Variants in TTC1 observed in about 807,000 individuals in gnomAD.
TTC1 encodes the protein tetratricopeptide repeat protein 1.
A neutral mutation model predicts 37.6 loss-of-function variants in TTC1; 31 were observed. The ratio of observed to expected loss-of-function variants is 0.82; its 90% CI spans 0.62 to 1.11. The LOEUF is 1.11. Ranked by LOEUF, TTC1 falls within the 50% of genes most tolerant of loss-of-function variation. The probability of loss-of-function intolerance (pLI) is 0.00; values close to 1 mark genes in which losing one functional copy is unlikely to be tolerated. For synonymous variants in TTC1, 127 were observed against 122.4 expected (o/e 1.04, Z -0.25); for missense variants, 351 against 339.0 (o/e 1.04, Z -0.28).
chr5:160,028,272 A>G (rs1239149749), intron 2 of TTC1, among the ~76,000 whole-genome samples: 1 of 149,618 alleles, frequency 6.7e-6, no homozygotes, highest in Non-Finnish European at 1.5e-5. Flanking sequence ...GCACTCCAGC[A>G]TAGGCGACAG....
chr5:160,032,126 ATGAT>A (rs1756921433), intron 2 of TTC1, among the ~76,000 whole-genome samples: 1 of 152,214 alleles, frequency 6.6e-6, no homozygotes, highest in South Asian at 2.1e-4. Flanking sequence ...TTCCCAAAGA[ATGAT>A]TGGTCTCCTA....
intron 1 of TTC1, among the ~76,000 whole-genome samples, chr5:160,010,276 A>AT (rs1413391904): frequency 6.6e-6 from 1 of 151,590 alleles, no homozygotes; most frequent in Non-Finnish European, 1.5e-5. Context: ...AAAAAAAAAA[A>AT]AAAGAATCTG....
chr5:160,064,370 C>T (rs917077902), intron 7 of TTC1, among the ~76,000 whole-genome samples: 5 of 152,160 alleles, frequency 3.3e-5, no homozygotes, highest in African/African-American at 1.2e-4. Context: ...CAAGATGATC[C>T]CATTTCTAAG....
At chr5:160,016,213 A>G (rs1363935742) in intron 2 of TTC1, among the ~76,000 whole-genome samples, 2 of 152,160 alleles carry the variant, frequency 1.3e-5, no homozygotes, top group Non-Finnish European at 2.9e-5. Context: ...CCCCATCTCT[A>G]CTAAAAATAC....
chr5:160,029,592 G>T (rs1019435572), intron 2 of TTC1, among the ~76,000 whole-genome samples: 1 of 152,042 alleles, frequency 6.6e-6, no homozygotes, highest in Non-Finnish European at 1.5e-5. Context: ...AGGCTGCAGT[G>T]AGCCATGATC....
intron 2 of TTC1, among the ~76,000 whole-genome samples, chr5:160,011,801 T>C (rs1233866393): frequency 1.3e-5 from 2 of 152,264 alleles, no homozygotes; most frequent in East Asian, 3.9e-4. Context: ...GAACTTGAAC[T>C]AGATTGTAGT....
chr5:160,036,680 C>A lies in TTC1; in HGVS notation c.392-11C>A. The A allele has an allele frequency of 1.3e-6, 2 of 1,578,370 alleles. No homozygotes were observed. The highest frequency in any genetic ancestry group is 1.1e-5 in the South Asian group (1 of 90,306). ...ATCAAAATGACCATTCATCCTTTCTCTTATCCTCAGATTATATAGAAGCTG... is the reference window on the plus strand; with the variant it reads ...ATCAAAATGACCATTCATCCTTTCTATTATCCTCAGATTATATAGAAGCTG... On this transcript the variant is annotated splice_polypyrimidine_tract_variant and intron_variant, in intron 3 of 7. Coordinates refer to ENST00000231238, the MANE Select transcript of TTC1 (RefSeq NM_003314.3).
intron 7 of TTC1, 71 bp downstream of exon 7, chr5:160,051,254 G>T: frequency 8.0e-7 from 1 of 1,252,300 alleles, no homozygotes; most frequent in South Asian, 1.4e-5. Flanking sequence ...GCGAATACTA[G>T]AGGAGAACAC....
intron 4 of TTC1, chr5:160,039,083 G>A (rs1352396790): frequency 6.6e-6 from 1 of 152,166 alleles, no homozygotes; most frequent in African/African-American, 2.4e-5. Flanking sequence ...GGAAATGATG[G>A]TTTAACTGCT....
intron 7 of TTC1, among the ~76,000 whole-genome samples, chr5:160,053,161 G>A (rs1757447934): frequency 6.6e-6 from 1 of 152,136 alleles, no homozygotes; most frequent in African/African-American, 2.4e-5. Flanking sequence ...ATTCCCTAGA[G>A]GCTAGACATT....
At chr5:160,030,307 A>G (rs1201161700) in intron 2 of TTC1, among the ~76,000 whole-genome samples, 1 of 152,170 alleles carries the variant, frequency 6.6e-6, no homozygotes, top group Admixed American at 6.5e-5. Flanking sequence ...TAAGCATGGT[A>G]AGCTCTGAGA....
intron 6 of TTC1, among the ~76,000 whole-genome samples, chr5:160,049,995 C>T (rs1757359197): frequency 6.6e-6 from 1 of 152,128 alleles, no homozygotes; most frequent in Non-Finnish European, 1.5e-5. Context: ...ATTGCTTGAA[C>T]CCAGAAGGCA....
intron 2 of TTC1, among the ~76,000 whole-genome samples, chr5:160,012,776 A>G (rs1756524242): frequency 1.3e-5 from 2 of 152,204 alleles, no homozygotes; most frequent in African/African-American, 2.4e-5. Context: ...GTGAAACTGT[A>G]TATCAGTTCT....
chr5:160,024,074 T>G (rs1413789760), intron 2 of TTC1: 1 of 985,748 alleles, frequency 1.0e-6, no homozygotes, highest in Non-Finnish European at 1.6e-6. Flanking sequence ...CATGTAAGTG[T>G]GGGGGGATGG....
chr5:160,044,398 T>C (rs1244713671), intron 5 of TTC1, among the ~76,000 whole-genome samples: 1 of 152,236 alleles, frequency 6.6e-6, no homozygotes, highest in African/African-American at 2.4e-5. Context: ...TGTGGGCTGC[T>C]CAGTAAAGTA....
In TTC1 at chr5:160,016,398, A is replaced by T. The variant is rs79594117; in HGVS notation, c.330+5540A>T. On this transcript the variant is annotated intron_variant, in intron 2 of 7. Transcript: ENST00000231238. ...GTCTCAATAAATAAATAAATAATTT[A>T]AAAAATTTTTTTAAAAAGATGAATC... Among the ~76,000 whole-genome samples, 34 of 152,326 alleles carry T rather than the reference A, an allele frequency of 2.2e-4. No homozygotes were observed. The East Asian group carries it at 5.0e-3, about 22-fold the overall frequency.
intron 2 of TTC1, among the ~76,000 whole-genome samples, chr5:160,030,340 C>G (rs1756888178): frequency 6.6e-6 from 1 of 152,132 alleles, no homozygotes; most frequent in Non-Finnish European, 1.5e-5. Flanking sequence ...ATCAGACTGT[C>G]TAGCAGAGAG....
At chr5:160,013,894 A>G (rs777022848) in intron 2 of TTC1, among the ~76,000 whole-genome samples, 20 of 152,174 alleles carry the variant, frequency 1.3e-4, no homozygotes, top group Admixed American at 1.2e-3. Context: ...GCAGATACCA[A>G]ATTTTTATGT....
At chr5:160,041,621 A>G (rs140359219) in intron 4 of TTC1, among the ~76,000 whole-genome samples, 1 of 151,810 alleles carries the variant, frequency 6.6e-6, no homozygotes, top group East Asian at 2.0e-4. Context: ...CCTGTGTTAT[A>G]TTTTCACATG....
Sources: allele counts gnomAD v4.1 joint callset (sites outside exome capture counted in the v4.1 genomes callset), GRCh38; gene constraint gnomAD v4.1.1; transcripts MANE v1.5; gene names NCBI Gene and HGNC (gene_info 2026-07-23, HGNC 2026-07-21).